Variants in CACNA1A observed in about 807,000 individuals in gnomAD.
CACNA1A encodes the protein voltage-dependent P/Q-type calcium channel subunit alpha-1A.
In CACNA1A, 57 loss-of-function variants were observed where a neutral mutation model predicts 262.4. That is an observed-to-expected ratio of 0.22 (90% CI 0.18 to 0.27). CACNA1A has a LOEUF of 0.27. Among genes scored for constraint, CACNA1A ranks in the 10% least tolerant of loss-of-function variants. The pLI, the probability that CACNA1A is intolerant of heterozygous loss-of-function variation, is 1.00. For synonymous variants in CACNA1A, 1,431 were observed against 1,419.3 expected (o/e 1.01, Z -0.18); for missense variants, 2,526 against 3,562.8 (o/e 0.71, Z 7.41).
At chr19:13,270,518 A>C (rs2056991795) in intron 24 of CACNA1A, among the ~76,000 whole-genome samples, 1 of 152,186 alleles carries the variant, frequency 6.6e-6, no homozygotes, top group African/African-American at 2.4e-5. Context: ...CAATAAGCAA[A>C]GTCCTCATAG....
intron 17 of CACNA1A, 135 bp from the exon 18 acceptor site, chr19:13,300,791 G>A: frequency 1.4e-6 from 1 of 724,348 alleles, no homozygotes. Context: ...AATTGGAATG[G>A]GTACCTGCTA....
chr19:13,332,779 G>A, intron 9 of CACNA1A, 90 bp downstream of exon 9: 1 of 787,150 alleles, frequency 1.3e-6, no homozygotes. Flanking sequence ...AAGATCCTTA[G>A]AACCAGTCAC....
chr19:13,261,870 C>A (rs1051233896), intron 25 of CACNA1A: 1 of 381,902 alleles, frequency 2.6e-6, no homozygotes, highest in Non-Finnish European at 4.8e-6. Flanking sequence ...GAGCCCAACA[C>A]AGAAAAACAA....
Position 13,255,206 on chromosome 19 carries a change from C to A in CACNA1A, c.4644G>T (p.Pro1548=). The change falls in exon 29 of 47, where the codon CCG becomes CCT. Residue 1548 remains proline, a synonymous_variant. Coordinates refer to ENST00000360228, the MANE Select transcript of CACNA1A (RefSeq NM_001127222.2). The part of the protein sequence containing the change: ...ISAKPLTRHM[P]QNKQSFQYRM... ...GGTACTGGAAGCTCTGCTTGTTCTGCGGCATGTGTCGGGTCAGCGGCTTGG... is the reference window on the plus strand; with the variant it reads ...GGTACTGGAAGCTCTGCTTGTTCTGAGGCATGTGTCGGGTCAGCGGCTTGG... 2 of 1,611,804 alleles carry A rather than the reference C, an allele frequency of 1.2e-6. No homozygotes were observed. Among genetic ancestry groups the A allele is most frequent in the Middle Eastern group, 1.7e-4 (1 of 6,052 alleles).
intron 38 of CACNA1A, among the ~76,000 whole-genome samples, chr19:13,222,150 A>G (rs1204352471): frequency 6.7e-6 from 1 of 149,520 alleles, no homozygotes; most frequent in Non-Finnish European, 1.5e-5. Flanking sequence ...CAAGTGATCC[A>G]CCCGCTTCAG....
chr19:13,223,687 G>A (rs1410931202), intron 38 of CACNA1A, among the ~76,000 whole-genome samples: 2 of 152,194 alleles, frequency 1.3e-5, no homozygotes, highest in East Asian at 1.9e-4. Context: ...TGCCCCGGGT[G>A]TCCTGTGTTC....
At chr19:13,416,243 G>A (rs897928763) in intron 3 of CACNA1A, among the ~76,000 whole-genome samples, 2 of 151,960 alleles carry the variant, frequency 1.3e-5, no homozygotes, top group Non-Finnish European at 2.9e-5. Context: ...TGGGACCACA[G>A]GCCTGCACCA....
intron 1 of CACNA1A, among the ~76,000 whole-genome samples, chr19:13,475,431 T>G (rs1402267543): frequency 1.3e-5 from 2 of 152,244 alleles, no homozygotes; most frequent in Non-Finnish European, 1.5e-5. Flanking sequence ...GTGAATCCCA[T>G]GCTCACCCTT....
chr19:13,436,387 A>C (rs560550590), intron 3 of CACNA1A, among the ~76,000 whole-genome samples: 1 of 152,294 alleles, frequency 6.6e-6, no homozygotes, highest in South Asian at 2.1e-4. Context: ...TCCTCCTGCT[A>C]CAGAACAACA....
At chr19:13,233,175 C>A (rs575702625) in intron 34 of CACNA1A, among the ~76,000 whole-genome samples, 2 of 152,280 alleles carry the variant, frequency 1.3e-5, no homozygotes, top group South Asian at 4.1e-4. Context: ...CAGCCATACT[C>A]CTGCCTCAGG....
intron 24 of CACNA1A, among the ~76,000 whole-genome samples, chr19:13,263,758 T>C (rs1600200765): frequency 2.6e-5 from 4 of 151,628 alleles, no homozygotes; most frequent in Non-Finnish European, 5.9e-5. Context: ...TGACCTCAGG[T>C]GATCCACCCA....
intron 3 of CACNA1A, among the ~76,000 whole-genome samples, chr19:13,448,105 G>T (rs943143004): frequency 1.3e-5 from 2 of 150,526 alleles, no homozygotes; most frequent in Admixed American, 6.6e-5. Context: ...AAACAGGGCT[G>T]CAAAAGCCCA....
intron 1 of CACNA1A, among the ~76,000 whole-genome samples, chr19:13,464,493 A>G (rs2061184679): frequency 6.6e-6 from 1 of 152,036 alleles, no homozygotes; most frequent in African/African-American, 2.4e-5. Flanking sequence ...TCATGCAATA[A>G]ATGTTCATTA....
At chr19:13,341,310 CTT>C (rs1327979303) in intron 6 of CACNA1A, among the ~76,000 whole-genome samples, 1 of 17,504 alleles carries the variant, frequency 5.7e-5, no homozygotes, top group African/African-American at 1.5e-4. Flanking sequence ...CAGCTGACAT[CTT>C]GATGGTCTGT....
chr19:13,303,941 G>A, intron 15 of CACNA1A, 57 bp from the exon 16 acceptor site: 1 of 1,249,616 alleles, frequency 8.0e-7, no homozygotes, highest in Admixed American at 1.8e-5. Flanking sequence ...GGGCCCCTTG[G>A]AGATGCAGCT....
intron 22 of CACNA1A, among the ~76,000 whole-genome samples, chr19:13,282,976 C>A (rs1055887018): frequency 9.9e-5 from 15 of 152,174 alleles, no homozygotes; most frequent in Non-Finnish European, 2.2e-4. Flanking sequence ...TGTGCAACAT[C>A]CATATCCTGC....
At chr19:13,213,004 C>T (rs1019318861) in intron 40 of CACNA1A, among the ~76,000 whole-genome samples, 3 of 152,234 alleles carry the variant, frequency 2.0e-5, no homozygotes, top group Admixed American at 2.0e-4. Flanking sequence ...ACCTTCAACC[C>T]CACTGTTCCA....
At chr19:13,372,513 T>G (rs1452973857) in intron 3 of CACNA1A, among the ~76,000 whole-genome samples, 1 of 152,112 alleles carries the variant, frequency 6.6e-6, no homozygotes, top group African/African-American at 2.4e-5. Context: ...AGTAGTTCAG[T>G]GTTAAGAGCC....
At chr19:13,415,219 C>A (rs1310298274) in intron 3 of CACNA1A, among the ~76,000 whole-genome samples, 1 of 151,612 alleles carries the variant, frequency 6.6e-6, no homozygotes. Context: ...AGAGAGAAGG[C>A]GGGTGTGTGT....
Sources: allele counts gnomAD v4.1 joint callset (sites outside exome capture counted in the v4.1 genomes callset), GRCh38; gene constraint gnomAD v4.1.1; transcripts MANE v1.5; gene names NCBI Gene and HGNC (gene_info 2026-07-23, HGNC 2026-07-21).